Variants in MCTP1 observed in about 807,000 individuals in gnomAD.
MCTP1 encodes multiple C2 and transmembrane domain containing 1, also known as multiple C2 and transmembrane domain-containing protein 1.
In MCTP1, 69 loss-of-function variants were observed where a neutral mutation model predicts 120.6. That is an observed-to-expected ratio of 0.57 (90% CI 0.47 to 0.70). MCTP1 has a LOEUF of 0.70. MCTP1 is among the 30% of genes least tolerant of loss of function. The pLI is 0.00. For missense variants in MCTP1, 1,203 were observed against 1,248.8 expected (o/e 0.96, Z 0.55); for synonymous variants, 529 against 493.1 (o/e 1.07, Z -0.96).
At chr5:95,040,511 AG>A (rs1295631393) in intron 1 of MCTP1, among the ~76,000 whole-genome samples, 2 of 152,114 alleles carry the variant, frequency 1.3e-5, no homozygotes, top group African/African-American at 4.8e-5. Context: ...AGCCCATCCA[AG>A]GGCACAGATT....
At chr5:95,110,445 T>C (rs1194171289) in intron 1 of MCTP1, among the ~76,000 whole-genome samples, 1 of 152,056 alleles carries the variant, frequency 6.6e-6, no homozygotes, top group African/African-American at 2.4e-5. Context: ...CTCCAAGATA[T>C]CTAGTAAGCA....
intron 19 of MCTP1, among the ~76,000 whole-genome samples, chr5:94,739,855 A>G (rs989065029): frequency 6.6e-6 from 1 of 152,076 alleles, no homozygotes; most frequent in African/African-American, 2.4e-5. Context: ...TTTAGTAGAG[A>G]TGGGGTTTTG....
chr5:95,122,962 G>A (rs1758346162), intron 1 of MCTP1, among the ~76,000 whole-genome samples: 1 of 152,188 alleles, frequency 6.6e-6, no homozygotes, highest in Admixed American at 6.5e-5. Context: ...TAGAAGGGCG[G>A]TTACCAGAGG....
In MCTP1 at chr5:95,270,619, C is replaced by A. The variant is rs535033685; in HGVS notation, c.720+13237G>T. 9.2e-5 allele frequency among the ~76,000 whole-genome samples: 14 copies of A among 152,184 alleles called. No individual in the cohort carries two copies. The East Asian group carries it at 9.7e-4, about 10-fold the overall frequency. The stretch of plus-strand genomic sequence containing the variant: ...GAACTCATCAGCAAGTCAGACCTCA[C>A]CTAATGCAGCTTTAGAAGATAGACT... On this transcript the variant is annotated intron_variant, in intron 1 of 22. Coordinates refer to ENST00000515393, the MANE Select transcript of MCTP1 (RefSeq NM_024717.7).
chr5:94,767,273 T>C (rs1033500762), intron 19 of MCTP1, among the ~76,000 whole-genome samples: 26 of 152,184 alleles, frequency 1.7e-4, no homozygotes, highest in Admixed American at 1.7e-3. Context: ...TATCTCAACG[T>C]AATAAAGGCT....
rs1453373864 is a variant in MCTP1 at position 95,284,945 on chromosome 5, G to A, written c.-370C>T. Among the ~76,000 whole-genome samples, 2 of 152,122 alleles carry A rather than the reference G, an allele frequency of 1.3e-5. No homozygotes were observed. Among genetic ancestry groups the A allele is most frequent in the Non-Finnish European group, 2.9e-5 (2 of 68,004 alleles). ...CGCGCCCTGGCTCCCTCTTCTCTCT[G>A]ACCGAGCTCGGGAAGCTGCACGCAC... On this transcript the variant is annotated 5_prime_UTR_variant, in exon 1 of 23. Coordinates refer to ENST00000515393, the MANE Select transcript of MCTP1 (RefSeq NM_024717.7). The surrounding 1 kb of genome is among the most constrained non-coding windows in gnomAD (Gnocchi z 5.2).
At chr5:94,796,475 C>G (rs368159423) in intron 18 of MCTP1, among the ~76,000 whole-genome samples, 1 of 150,976 alleles carries the variant, frequency 6.6e-6, no homozygotes, top group East Asian at 1.9e-4. Context: ...TACCATACTT[C>G]CAGTGCTATG....
At chr5:95,118,527 C>A (rs1206853090) in intron 1 of MCTP1, among the ~76,000 whole-genome samples, 1 of 152,008 alleles carries the variant, frequency 6.6e-6, no homozygotes, top group African/African-American at 2.4e-5. Flanking sequence ...GGGAGTAAGT[C>A]CTTACTTATT....
intron 17 of MCTP1, among the ~76,000 whole-genome samples, chr5:94,809,929 C>T (rs1783082872): frequency 6.6e-6 from 1 of 152,058 alleles, no homozygotes; most frequent in South Asian, 2.1e-4. Flanking sequence ...AACTAACAGT[C>T]CATGCTTTAA....
chr5:95,166,396 C>A (rs1240116459), intron 1 of MCTP1, among the ~76,000 whole-genome samples: 4 of 152,136 alleles, frequency 2.6e-5, no homozygotes, highest in Non-Finnish European at 4.4e-5. Flanking sequence ...GTGTATGTTT[C>A]ATAAAACCAC....
At chr5:94,765,834 A>T (rs891675774) in intron 19 of MCTP1, among the ~76,000 whole-genome samples, 2 of 144,590 alleles carry the variant, frequency 1.4e-5, no homozygotes, top group Non-Finnish European at 3.0e-5. Context: ...AAGAGGGGGA[A>T]AAAAAAAAGA....
intron 19 of MCTP1, among the ~76,000 whole-genome samples, chr5:94,768,820 A>G (rs1430916665): frequency 6.6e-6 from 1 of 152,166 alleles, no homozygotes; most frequent in Admixed American, 6.5e-5. Context: ...ATGGAAATCA[A>G]CATGGAGGTT....
chr5:94,810,827 A>C (rs538078324), intron 17 of MCTP1, among the ~76,000 whole-genome samples: 3 of 152,252 alleles, frequency 2.0e-5, no homozygotes, highest in Non-Finnish European at 4.4e-5. Context: ...TTTATCCTTC[A>C]TGATATAACC....
intron 17 of MCTP1, among the ~76,000 whole-genome samples, chr5:94,806,360 G>T (rs1436032924): frequency 6.6e-6 from 1 of 152,170 alleles, no homozygotes; most frequent in Non-Finnish European, 1.5e-5. Context: ...AAGTGAAGGT[G>T]GGGCAAGGCT....
chr5:94,741,678 CCCATG>C (rs756536184), intron 19 of MCTP1, among the ~76,000 whole-genome samples: 26 of 152,276 alleles, frequency 1.7e-4, no homozygotes, highest in Non-Finnish European at 3.4e-4. Flanking sequence ...ATAATAGCAG[CCCATG>C]CCACCAAGGT....
chr5:95,140,209 A>T (rs1021114627), intron 1 of MCTP1, among the ~76,000 whole-genome samples: 2 of 152,172 alleles, frequency 1.3e-5, no homozygotes, highest in African/African-American at 4.8e-5. Context: ...ATTTGCAAAA[A>T]TGTGTTTTTT....
At chr5:95,223,756 G>T (rs1418138950) in intron 1 of MCTP1, among the ~76,000 whole-genome samples, 1 of 152,134 alleles carries the variant, frequency 6.6e-6, no homozygotes, top group Non-Finnish European at 1.5e-5. Context: ...GCAACATTCA[G>T]AAGGGATTTT....
At chr5:95,205,185 C>T (rs1005378403) in intron 1 of MCTP1, among the ~76,000 whole-genome samples, 1 of 152,068 alleles carries the variant, frequency 6.6e-6, no homozygotes, top group South Asian at 2.1e-4. Flanking sequence ...TGAGTAAAGC[C>T]TAACACTTAT....
chr5:95,061,244 C>A, intron 1 of MCTP1, among the ~76,000 whole-genome samples: 1 of 150,672 alleles, frequency 6.6e-6, no homozygotes. Context: ...GAGGGAATAA[C>A]TACTAGCAAA....
Sources: gnomAD v4.1 joint callset for allele counts (sites outside exome capture counted in the v4.1 genomes callset) on GRCh38, gnomAD v4.1.1 for gene constraint, Gnocchi (gnomAD v3.1) non-coding constraint, MANE v1.5 for transcripts, NCBI Gene and HGNC (gene_info 2026-07-23, HGNC 2026-07-21) for gene names.